Variants in RARB observed in about 807,000 individuals in gnomAD.
The protein encoded by RARB is retinoic acid receptor beta.
RARB carries 17 observed loss-of-function variants against 51.9 expected under a neutral mutation model. That is an observed-to-expected ratio of 0.33 (90% CI 0.22 to 0.49). The LOEUF is 0.49. Among genes scored for constraint, RARB ranks in the 20% least tolerant of loss-of-function variants. The probability of loss-of-function intolerance (pLI) is 0.99; values close to 1 mark genes in which losing one functional copy is unlikely to be tolerated. For synonymous variants in RARB, 215 were observed against 195.4 expected, an observed-to-expected ratio of 1.10 and a Z score of -0.84; for missense variants, 369 against 550.8, an observed-to-expected ratio of 0.67 and a Z score of 3.30.
chr3:24,877,990 C>T (rs546916336), intron 2 of RARB, among the ~76,000 whole-genome samples: 19 of 152,274 alleles, frequency 1.2e-4, no homozygotes, highest in Non-Finnish European at 2.6e-4. Context: ...CTCACCAACT[C>T]GGTTTCCTAT....
intron 5 of RARB, among the ~76,000 whole-genome samples, chr3:25,414,994 A>T (rs1038959197): frequency 3.9e-5 from 6 of 152,122 alleles, no homozygotes; most frequent in Admixed American, 6.5e-5. Context: ...GGCACCTGCC[A>T]CCATGTCCAG....
intron 5 of RARB, among the ~76,000 whole-genome samples, chr3:25,415,280 G>C (rs1418021321): frequency 6.6e-6 from 1 of 152,096 alleles, no homozygotes; most frequent in African/African-American, 2.4e-5. Context: ...CCTGATGCAA[G>C]ATCACAAAAT....
intron 2 of RARB, among the ~76,000 whole-genome samples, chr3:24,968,235 G>A (rs533890605): frequency 4.9e-4 from 75 of 152,250 alleles, no homozygotes; most frequent in African/African-American, 1.7e-3. Flanking sequence ...ATTGTCCAAA[G>A]TGGACTAGTT....
intron 5 of RARB, among the ~76,000 whole-genome samples, chr3:25,227,708 A>G (rs187743244): frequency 1.3e-5 from 2 of 152,224 alleles, no homozygotes; most frequent in South Asian, 2.1e-4. Context: ...CATAATTCCA[A>G]TAGTGGTTTA....
intron 1 of RARB, among the ~76,000 whole-genome samples, chr3:25,456,682 TAGAGAGAG>T (rs201238732): frequency 0.024 from 2,125 of 88,310 alleles, 32 homozygotes; most frequent in Non-Finnish European, 0.031. Flanking sequence ...TATATATATA[TAGAGAGAG>T]AGAGAGAGAG....
intron 2 of RARB, among the ~76,000 whole-genome samples, chr3:24,943,966 C>G (rs1203746436): frequency 1.3e-5 from 2 of 152,124 alleles, no homozygotes; most frequent in Non-Finnish European, 2.9e-5. Flanking sequence ...GGTTCCGATT[C>G]AGAGCAAGAG....
intron 5 of RARB, among the ~76,000 whole-genome samples, chr3:25,258,490 G>A (rs765788843): frequency 2.6e-5 from 4 of 152,112 alleles, no homozygotes; most frequent in African/African-American, 4.8e-5. Flanking sequence ...CAAGGGTAAA[G>A]AATTAGTCAA....
At chr3:24,829,973 C>A (rs1236352733) in intron 1 of RARB, among the ~76,000 whole-genome samples, 1 of 152,122 alleles carries the variant, frequency 6.6e-6, no homozygotes, top group Non-Finnish European at 1.5e-5. Flanking sequence ...GCTTTGGGGC[C>A]GAAGAAAGGG....
chr3:25,367,828 C>CAAAAAAAAAAAAAAA (rs1559374236), intron 5 of RARB, among the ~76,000 whole-genome samples: 5 of 139,420 alleles, frequency 3.6e-5, no homozygotes, highest in African/African-American at 5.4e-5. Flanking sequence ...AAAAAAAAAA[C>CAAAAAAAAAAAAAAA]AAAAACAAAA....
rs527858337 is a variant in RARB, at chr3:25,357,368, T to G, written c.179-103825T>G. On this transcript the variant is annotated intron_variant, in intron 5 of 11. Transcript: ENST00000383772. Reference sequence around the variant, plus strand: ...CCCACTTTTTGTTGGGGTTGTTTTTTTCTTGTAAATTTGTTTAAGTTCCTT... The same window carrying G: ...CCCACTTTTTGTTGGGGTTGTTTTTGTCTTGTAAATTTGTTTAAGTTCCTT... 2.6e-5 allele frequency among the ~76,000 whole-genome samples: 4 copies of G among 151,818 alleles called. No individual in the cohort carries two copies. In the South Asian group the frequency reaches 6.2e-4, roughly 24 times the overall value.
chr3:25,261,759 G>T (rs1703003219), intron 5 of RARB, among the ~76,000 whole-genome samples: 1 of 152,096 alleles, frequency 6.6e-6, no homozygotes, highest in Admixed American at 6.5e-5. Flanking sequence ...ACCTACTCTA[G>T]AAATGCAGAG....
intron 2 of RARB, among the ~76,000 whole-genome samples, chr3:25,465,325 G>A (rs1357461807): frequency 6.6e-6 from 1 of 152,108 alleles, no homozygotes; most frequent in Non-Finnish European, 1.5e-5. Flanking sequence ...TAGGATACCA[G>A]CAGATGCACC....
intron 3 of RARB, among the ~76,000 whole-genome samples, chr3:25,547,467 A>C (rs1232477912): frequency 6.6e-6 from 1 of 152,164 alleles, no homozygotes; most frequent in South Asian, 2.1e-4. Context: ...AACATACCAA[A>C]ATTTCATAAA....
At chr3:24,994,608 C>T (rs1489190267) in intron 2 of RARB, among the ~76,000 whole-genome samples, 7 of 151,934 alleles carry the variant, frequency 4.6e-5, no homozygotes, top group Admixed American at 3.9e-4. Context: ...ATTTTTTCCT[C>T]TAATAGTTTT....
At chr3:25,478,177 C>T (rs972693194) in intron 2 of RARB, among the ~76,000 whole-genome samples, 4 of 152,160 alleles carry the variant, frequency 2.6e-5, no homozygotes, top group African/African-American at 7.2e-5. Flanking sequence ...TAGTGTTCCT[C>T]CTGTCAAATT....
chr3:25,023,641 C>T (rs1697684043), intron 2 of RARB, among the ~76,000 whole-genome samples: 1 of 152,076 alleles, frequency 6.6e-6, no homozygotes, highest in Non-Finnish European at 1.5e-5. Flanking sequence ...GGGATGCGTC[C>T]TGCCACTGTG....
At chr3:24,919,278 T>G (rs1448515696) in intron 2 of RARB, among the ~76,000 whole-genome samples, 1 of 152,232 alleles carries the variant, frequency 6.6e-6, no homozygotes, top group South Asian at 2.1e-4. Context: ...GATTTGGTAT[T>G]GAGTTGTGTT....
intron 5 of RARB, among the ~76,000 whole-genome samples, chr3:25,249,258 T>C (rs971028506): frequency 5.9e-5 from 9 of 152,166 alleles, no homozygotes; most frequent in Non-Finnish European, 1.2e-4. Flanking sequence ...ATTTGGTGAA[T>C]CTTTGGTTTC....
At chr3:25,118,984 T>C (rs1284382666) in intron 3 of RARB, among the ~76,000 whole-genome samples, 1 of 152,192 alleles carries the variant, frequency 6.6e-6, no homozygotes, top group African/African-American at 2.4e-5. Context: ...CTTTGACCAA[T>C]GTCATTCCCA....
Sources: allele counts gnomAD v4.1 joint callset (sites outside exome capture counted in the v4.1 genomes callset), GRCh38; gene constraint gnomAD v4.1.1; transcripts MANE v1.5; gene names NCBI Gene and HGNC (gene_info 2026-07-23, HGNC 2026-07-21).